Variants in LHFPL3 observed in about 807,000 individuals in gnomAD.
LHFPL3 encodes LHFPL tetraspan subfamily member 3 protein.
Under a neutral mutation model 19.3 loss-of-function variants are expected in LHFPL3, and 5 were observed. The observed-to-expected ratio is 0.26, with a 90% CI of 0.14 to 0.54. The LOEUF (loss-of-function observed/expected upper bound fraction) is 0.54. Ranked by LOEUF, LHFPL3 falls within the 20% of genes least tolerant of loss-of-function variation. The probability of loss-of-function intolerance (pLI) is 0.94; values close to 1 mark genes in which losing one functional copy is unlikely to be tolerated. For synonymous variants in LHFPL3, 133 were observed against 126.2 expected (o/e 1.05, Z -0.36); for missense variants, 249 against 307.4 (o/e 0.81, Z 1.42).
At chr7:104,703,070 A>T (rs6466014) in intron 1 of LHFPL3, among the ~76,000 whole-genome samples, 99,090 of 152,074 alleles carry the variant, frequency 0.65, 32,627 homozygotes, top group African/African-American at 0.71. Flanking sequence ...TTTAACTTCA[A>T]GTATCTATTT....
Position 104,331,949 on chromosome 7 carries a change from CA to C in LHFPL3, c.445+2737del, listed in dbSNP as rs376546691. Among the ~76,000 whole-genome samples, 724 of 131,196 alleles carry C rather than the reference CA, an allele frequency of 5.5e-3. 5 individuals carry two copies. Among genetic ancestry groups the C allele is most frequent in the African/African-American group, 0.014 (493 of 35,784 alleles). 86.1% of individuals were successfully genotyped at this position (131,196 alleles called of 152,430 possible). On this transcript the variant is annotated intron_variant, in intron 1 of 2. Transcript: ENST00000424859. ...TGGGAAACAGAGCGAGACCCCATCT[CA>C]AAAAAAAAAAAGAAAAAGAAAGTTT...
At chr7:104,818,094 A>G (rs1402634101) in intron 2 of LHFPL3, among the ~76,000 whole-genome samples, 1 of 152,200 alleles carries the variant, frequency 6.6e-6, no homozygotes, top group Non-Finnish European at 1.5e-5. Context: ...AAGAGAAGTA[A>G]GAGGAATCGG....
intron 2 of LHFPL3, among the ~76,000 whole-genome samples, chr7:104,761,402 T>A (rs1794369425): frequency 1.3e-5 from 2 of 152,104 alleles, no homozygotes; most frequent in South Asian, 4.2e-4. Context: ...AATAATCCAA[T>A]ATTACAAAGA....
At chr7:104,821,792 T>C (rs763728043) in intron 2 of LHFPL3, among the ~76,000 whole-genome samples, 2 of 152,110 alleles carry the variant, frequency 1.3e-5, no homozygotes, top group Non-Finnish European at 2.9e-5. Flanking sequence ...ATGAGTAAAA[T>C]AACCAATTCT....
intron 1 of LHFPL3, among the ~76,000 whole-genome samples, chr7:104,499,340 A>G (rs41025): frequency 0.073 from 11,097 of 152,256 alleles, 1,346 homozygotes; most frequent in African/African-American, 0.25. Flanking sequence ...ATTGATGTCA[A>G]TGTGCTCTGA....
chr7:104,877,485 A>T (rs189667842), intron 2 of LHFPL3, among the ~76,000 whole-genome samples: 1 of 152,312 alleles, frequency 6.6e-6, no homozygotes, highest in East Asian at 1.9e-4. Flanking sequence ...TGATATAAAA[A>T]ATATATACAG....
At chr7:104,447,634 G>A (rs910572551) in intron 1 of LHFPL3, among the ~76,000 whole-genome samples, 5 of 151,990 alleles carry the variant, frequency 3.3e-5, no homozygotes, top group African/African-American at 1.2e-4. Context: ...TAGCACCAAC[G>A]ACTGCCATTT....
At chr7:104,592,384 G>T (rs886299365) in intron 1 of LHFPL3, among the ~76,000 whole-genome samples, 1 of 150,024 alleles carries the variant, frequency 6.7e-6, no homozygotes, top group Non-Finnish European at 1.5e-5. Flanking sequence ...TTTGCTGGAC[G>T]TCCACTCCAG....
At chr7:104,512,502 T>G (rs575961417) in intron 1 of LHFPL3, among the ~76,000 whole-genome samples, 24 of 151,978 alleles carry the variant, frequency 1.6e-4, no homozygotes, top group African/African-American at 5.5e-4. Flanking sequence ...TTTGGGAGGC[T>G]GAGATGGGTG....
At chr7:104,899,425 G>A (rs1441752857) in intron 2 of LHFPL3, among the ~76,000 whole-genome samples, 1 of 151,994 alleles carries the variant, frequency 6.6e-6, no homozygotes, top group Non-Finnish European at 1.5e-5. Flanking sequence ...ACTTCAAGAT[G>A]ATATTTGGAG....
chr7:104,422,002 G>A (rs112220706), intron 1 of LHFPL3, among the ~76,000 whole-genome samples: 22 of 152,218 alleles, frequency 1.4e-4, no homozygotes, highest in African/African-American at 4.6e-4. Flanking sequence ...CCTGCAAAAC[G>A]GCCCTTACCA....
intron 2 of LHFPL3, among the ~76,000 whole-genome samples, chr7:104,768,140 GAA>G (rs11362068): frequency 0.066 from 8,786 of 132,310 alleles, 795 homozygotes; most frequent in African/African-American, 0.21. Flanking sequence ...TTATTCTCGT[GAA>G]AAAAAAAAAA....
chr7:104,556,006 C>T (rs529267010), intron 1 of LHFPL3, among the ~76,000 whole-genome samples: 2 of 152,328 alleles, frequency 1.3e-5, no homozygotes, highest in South Asian at 4.1e-4. Flanking sequence ...GTCTCACATC[C>T]AGGTCACACT....
intron 1 of LHFPL3, among the ~76,000 whole-genome samples, chr7:104,498,027 C>G (rs1258595133): frequency 6.6e-6 from 1 of 152,188 alleles, no homozygotes; most frequent in East Asian, 1.9e-4. Context: ...TGGGGTGGAA[C>G]AAGCATAGCT....
Position 104,381,768 on chromosome 7 carries a change from CTG to C in LHFPL3, c.445+52546_445+52547del, listed in dbSNP as rs538119949. On this transcript the variant is annotated intron_variant, in intron 1 of 2. Transcript: ENST00000424859. ...ATCCATTTACATTCTACCAAAAACA[CTG>C]TTGTAAATAAATAGTGGTAAGTTGA... 5.6e-4 allele frequency among the ~76,000 whole-genome samples: 85 copies of C among 152,260 alleles called. 1 individual carries two copies. The highest frequency in any genetic ancestry group is 4.2e-3 in the Admixed American group (64 of 15,274).
intron 1 of LHFPL3, among the ~76,000 whole-genome samples, chr7:104,511,682 T>C (rs570131504): frequency 6.6e-6 from 1 of 152,282 alleles, no homozygotes; most frequent in African/African-American, 2.4e-5. Context: ...TGGATGAAAC[T>C]ATGCATAAAA....
At chr7:104,330,546 G>C (rs1280414951) in intron 1 of LHFPL3, among the ~76,000 whole-genome samples, 4 of 152,140 alleles carry the variant, frequency 2.6e-5, no homozygotes, top group Non-Finnish European at 4.4e-5. Flanking sequence ...AGAGAAGCTT[G>C]TGGGAGACTA....
chr7:104,589,594 C>T (rs894015511), intron 1 of LHFPL3, among the ~76,000 whole-genome samples: 13 of 151,970 alleles, frequency 8.6e-5, no homozygotes, highest in South Asian at 6.2e-4. Context: ...GTGTCTCTGC[C>T]GGGCTTTGAT....
intron 2 of LHFPL3, among the ~76,000 whole-genome samples, chr7:104,887,029 T>A (rs999371372): frequency 2.0e-5 from 3 of 152,262 alleles, no homozygotes; most frequent in Admixed American, 6.5e-5. Context: ...CTTTGTGACT[T>A]GTTTCCCACG....
Sources: gnomAD v4.1 joint callset for allele counts (sites outside exome capture counted in the v4.1 genomes callset) on GRCh38, gnomAD v4.1.1 for gene constraint, MANE v1.5 for transcripts, NCBI Gene and HGNC (gene_info 2026-07-23, HGNC 2026-07-21) for gene names.